The following DYTN variants were observed in gnomAD, a reference collection of about 807,000 sequenced individuals.
DYTN encodes the protein dystrotelin.
A neutral mutation model predicts 69.6 loss-of-function variants in DYTN; 75 were observed. The observed-to-expected ratio is 1.08, with a 90% confidence interval of 0.89 to 1.31. DYTN has a LOEUF of 1.31. Ranked by LOEUF, DYTN falls within the 50% of genes most tolerant of loss-of-function variation. DYTN has a pLI of 0.00. For synonymous variants in DYTN, 252 were observed against 249.1 expected (o/e 1.01, Z -0.11); for missense variants, 726 against 688.4 (o/e 1.05, Z -0.61).
Position 206,705,841 on chromosome 2 carries a change from G to A in DYTN, c.329C>T (p.Ala110Val), listed in dbSNP as rs200127309. The A allele has an allele frequency of 1.1e-4, 178 of 1,613,830 alleles. No homozygotes were observed. The African/African-American group carries it at 2.0e-3, about 18-fold the overall frequency. Residue 110 changes from alanine to valine, a missense_variant, in exon 4 of 12, where the codon GCG becomes GTG. Transcript: ENST00000452335. ...KGTGFLQLMPAAAALITLSGD... is the reference protein window; with the variant it reads ...KGTGFLQLMPVAAALITLSGD... Reference sequence around the variant, plus strand: ...TGAGAGGGTTATTAGGGCAGCGGCCGCAGGCATAAGCTGGAGAAAACCTGT... The same window carrying A: ...TGAGAGGGTTATTAGGGCAGCGGCCACAGGCATAAGCTGGAGAAAACCTGT...
rs994365743 is a variant in DYTN, at chr2:206,673,089, T to G, written c.981-7060A>C. Reference sequence around the variant, plus strand: ...TGATCCTCTCCCTCCTCCCACCCTCTGCCCTCCAGTAGGCCCCAGTGTGTG... The same window carrying G: ...TGATCCTCTCCCTCCTCCCACCCTCGGCCCTCCAGTAGGCCCCAGTGTGTG... On this transcript the variant is annotated intron_variant, in intron 9 of 11. Transcript: ENST00000452335. 2.6e-5 allele frequency among the ~76,000 whole-genome samples: 4 copies of G among 152,276 alleles called. No individual in the cohort carries two copies. In the East Asian group the frequency reaches 5.8e-4, roughly 22 times the overall value.
chr2:206,673,977 T>C (rs913825803), intron 9 of DYTN, among the ~76,000 whole-genome samples: 3 of 152,224 alleles, frequency 2.0e-5, no homozygotes, highest in Non-Finnish European at 4.4e-5. Flanking sequence ...ATTTATACTA[T>C]AATTGAGTAC....
chr2:206,655,689 A>G (rs1293967766), intron 11 of DYTN, among the ~76,000 whole-genome samples: 1 of 150,700 alleles, frequency 6.6e-6, no homozygotes, highest in African/African-American at 2.4e-5. Flanking sequence ...CTCCCAAAGC[A>G]CTAGGATTAT....
chr2:206,675,443 G>T (rs1699675422), intron 9 of DYTN, among the ~76,000 whole-genome samples: 1 of 150,740 alleles, frequency 6.6e-6, no homozygotes, highest in African/African-American at 2.4e-5. Flanking sequence ...CTCTTTTCAG[G>T]GTAACTATTC....
intron 1 of DYTN, among the ~76,000 whole-genome samples, chr2:206,714,397 T>A (rs1399286543): frequency 2.0e-5 from 3 of 152,024 alleles, no homozygotes; most frequent in African/African-American, 4.8e-5. Flanking sequence ...AGAGACAGGG[T>A]TTCACCGTGT....
In DYTN at chr2:206,707,507, T is replaced by C. The variant is rs1166065382; in HGVS notation, c.95-4A>G. On this transcript the variant is annotated splice_polypyrimidine_tract_variant and splice_region_variant and intron_variant, in intron 2 of 11. Transcript: ENST00000452335. Reference sequence around the variant, plus strand: ...AGGGAGCTGTCAATCAAGTCCACTGTAGGAAGCAAATGAAGAATTGAGCCT... The same window carrying C: ...AGGGAGCTGTCAATCAAGTCCACTGCAGGAAGCAAATGAAGAATTGAGCCT... 3.7e-6 allele frequency: 6 copies of C among 1,605,018 alleles called. No homozygotes were observed. The highest frequency in any genetic ancestry group is 1.1e-5 in the South Asian group (1 of 88,924).
At chr2:206,718,236 T>C in intron 1 of DYTN, 25 bp downstream of exon 1, 2 of 1,587,360 alleles carry the variant, frequency 1.3e-6, no homozygotes, top group Non-Finnish European at 1.7e-6. Context: ...CAAACTATGC[T>C]CAGAAACTTG....
At chr2:206,674,750 A>G (rs1699664852) in intron 9 of DYTN, among the ~76,000 whole-genome samples, 1 of 96,044 alleles carries the variant, frequency 1.0e-5, no homozygotes. Flanking sequence ...AGAAATGTTT[A>G]CTATTACTCT....
chr2:206,703,037 T>C (rs1699990863), intron 5 of DYTN, among the ~76,000 whole-genome samples: 2 of 152,160 alleles, frequency 1.3e-5, no homozygotes, highest in Non-Finnish European at 1.5e-5. Context: ...AATGGGATGA[T>C]AATTTCTATG....
At chr2:206,691,438 T>C (rs1699862042) in intron 9 of DYTN, among the ~76,000 whole-genome samples, 1 of 151,964 alleles carries the variant, frequency 6.6e-6, no homozygotes, top group Admixed American at 6.6e-5. Flanking sequence ...ATATGGATCT[T>C]TGTGATGTGA....
chr2:206,704,633 T>C (rs1361300445), intron 5 of DYTN, among the ~76,000 whole-genome samples: 2 of 152,186 alleles, frequency 1.3e-5, no homozygotes, highest in Non-Finnish European at 2.9e-5. Context: ...TTTAGCCTCA[T>C]GAGTATGAGT....
At chr2:206,671,179 A>G (rs573259262) in intron 9 of DYTN, among the ~76,000 whole-genome samples, 3 of 152,180 alleles carry the variant, frequency 2.0e-5, no homozygotes, top group Admixed American at 6.5e-5. Context: ...GCTCCCACAC[A>G]TCGGAATGAA....
At chr2:206,653,820 C>T (rs897934142) in intron 11 of DYTN, among the ~76,000 whole-genome samples, 2 of 152,106 alleles carry the variant, frequency 1.3e-5, no homozygotes, top group African/African-American at 4.8e-5. Context: ...ATTTGCCAAC[C>T]GCATAACAGT....
intron 9 of DYTN, among the ~76,000 whole-genome samples, chr2:206,666,539 A>G (rs186030580): frequency 7.9e-5 from 12 of 152,230 alleles, no homozygotes; most frequent in African/African-American, 2.4e-4. Context: ...TTTATACACT[A>G]TCCTTTTGTC....
At chr2:206,667,415 C>T (rs1489760603) in intron 9 of DYTN, among the ~76,000 whole-genome samples, 2 of 152,128 alleles carry the variant, frequency 1.3e-5, no homozygotes, top group African/African-American at 2.4e-5. Flanking sequence ...GCTCTCAAGG[C>T]GCCTTTTCAG....
chr2:206,693,576 T>C (rs1448669524), intron 8 of DYTN, among the ~76,000 whole-genome samples: 1 of 152,200 alleles, frequency 6.6e-6, no homozygotes, highest in African/African-American at 2.4e-5. Flanking sequence ...CATTTGGCAT[T>C]CTACACCTAG....
At chr2:206,657,041 C>T (rs558649000) in intron 11 of DYTN, among the ~76,000 whole-genome samples, 4 of 152,036 alleles carry the variant, frequency 2.6e-5, no homozygotes, top group Admixed American at 1.3e-4. Context: ...GGATTATAGT[C>T]GTGAGCCATC....
At chr2:206,668,959 T>C (rs1699603441) in intron 9 of DYTN, among the ~76,000 whole-genome samples, 1 of 152,194 alleles carries the variant, frequency 6.6e-6, no homozygotes, top group Non-Finnish European at 1.5e-5. Flanking sequence ...TCCACCATGA[T>C]TGTAAGTTTC....
At chr2:206,696,146 C>A (rs751351170) in intron 7 of DYTN, among the ~76,000 whole-genome samples, 1 of 152,126 alleles carries the variant, frequency 6.6e-6, no homozygotes, top group Non-Finnish European at 1.5e-5. Context: ...GAAAGTGAGG[C>A]TCATGCTATA....
Sources: gnomAD v4.1 joint callset for allele counts (sites outside exome capture counted in the v4.1 genomes callset) on GRCh38, gnomAD v4.1.1 for gene constraint, MANE v1.5 for transcripts, NCBI Gene and HGNC (gene_info 2026-07-23, HGNC 2026-07-21) for gene names.